UNC5D: variants seen among roughly 807,000 people sequenced by gnomAD.
The protein encoded by UNC5D is unc-5 netrin receptor D, also known as netrin receptor UNC5D.
A neutral mutation model predicts 105.4 loss-of-function variants in UNC5D; 39 were observed. The observed-to-expected ratio is 0.37, with a 90% CI of 0.29 to 0.48. The LOEUF is 0.48. UNC5D is among the 20% of genes least tolerant of loss of function. The pLI is 0.98. For missense variants in UNC5D, 991 were observed against 1,202.4 expected, an observed-to-expected ratio of 0.82 and a Z score of 2.60; for synonymous variants, 452 against 450.4, an observed-to-expected ratio of 1.00 and a Z score of -0.04.
intron 1 of UNC5D, among the ~76,000 whole-genome samples, chr8:35,373,084 CTT>C (rs1802514068): frequency 6.6e-6 from 1 of 152,146 alleles, no homozygotes; most frequent in Non-Finnish European, 1.5e-5. Context: ...CATTGGCTAA[CTT>C]TGATATCCTT....
chr8:35,389,612 C>T (rs1177252536), intron 1 of UNC5D, among the ~76,000 whole-genome samples: 2 of 152,096 alleles, frequency 1.3e-5, no homozygotes, highest in Middle Eastern at 3.4e-3. Context: ...ATAACTTGCC[C>T]TTTCATTCTT....
At chr8:35,698,515 T>C (rs1328287465) in intron 7 of UNC5D, among the ~76,000 whole-genome samples, 2 of 152,144 alleles carry the variant, frequency 1.3e-5, no homozygotes, top group African/African-American at 4.8e-5. Flanking sequence ...TCAAACAGTA[T>C]TTATTTTTCT....
chr8:35,794,886 T>G lies in UNC5D; in HGVS notation c.*4323T>G, dbSNP rs548488638. On this transcript the variant is annotated 3_prime_UTR_variant, in exon 17 of 17. Coordinates refer to ENST00000404895, the MANE Select transcript of UNC5D (RefSeq NM_080872.4). Reference sequence around the variant, plus strand: ...TTCGAAAAGTAACAGGGGATGGAAATCAGACCTGGCCGTTAGTCACTAGTG... The same window carrying G: ...TTCGAAAAGTAACAGGGGATGGAAAGCAGACCTGGCCGTTAGTCACTAGTG... 1 of 152,288 alleles carries G rather than the reference T, an allele frequency of 6.6e-6. No individual in the cohort carries two copies. Among genetic ancestry groups the G allele is most frequent in the South Asian group, 2.1e-4 (1 of 4,832 alleles). 9.4% of individuals were successfully genotyped at this position (152,288 alleles called of 1,614,324 possible). A position where few individuals can be genotyped will look rare whatever the true frequency, so the allele number is the denominator to read the frequency against.
chr8:35,690,222 A>T (rs1198843928), intron 7 of UNC5D, among the ~76,000 whole-genome samples: 3 of 152,202 alleles, frequency 2.0e-5, no homozygotes, highest in African/African-American at 7.2e-5. Flanking sequence ...CTATGAGATT[A>T]TTGATGTAAT....
chr8:35,513,088 G>A (rs1286058667), intron 1 of UNC5D, among the ~76,000 whole-genome samples: 1 of 151,914 alleles, frequency 6.6e-6, no homozygotes, highest in East Asian at 1.9e-4. Context: ...TGCTTTCTTT[G>A]GTTTTTCTAG....
rs1586280869 is a variant in UNC5D, at chr8:35,625,831, GT to G, written c.570+30176del. On this transcript the variant is annotated intron_variant, in intron 4 of 16. Coordinates refer to ENST00000404895, the MANE Select transcript of UNC5D (RefSeq NM_080872.4). ...TTTCATTGAAGACTTACTGGCTTCA[GT>G]TCTCAAGTCAGAGTGTGCAATGTAT... is the stretch of plus-strand genomic sequence containing the variant. Among the ~76,000 whole-genome samples, 3 of 152,278 alleles carry G rather than the reference GT, an allele frequency of 2.0e-5. No homozygotes were observed. In the East Asian group the frequency reaches 5.8e-4, roughly 29 times the overall value.
intron 1 of UNC5D, among the ~76,000 whole-genome samples, chr8:35,412,939 G>T (rs1364670749): frequency 2.0e-5 from 3 of 152,128 alleles, no homozygotes; most frequent in Non-Finnish European, 4.4e-5. Context: ...TAGGTCTACA[G>T]AGGGAGTGCT....
intron 1 of UNC5D, among the ~76,000 whole-genome samples, chr8:35,423,593 A>C (rs2128968174): frequency 6.6e-6 from 1 of 152,292 alleles, no homozygotes; most frequent in East Asian, 1.9e-4. Flanking sequence ...AAAATGGCAA[A>C]AACTTGAACT....
In UNC5D at chr8:35,440,520, G is replaced by A. The variant is rs750317961; in HGVS notation, c.104-108772G>A. ...GATAGTCCAGTGTCTGCTTCTGTTG[G>A]CATCTTCCTGATGAATATATTTGGT... On this transcript the variant is annotated intron_variant, in intron 1 of 16. Transcript: ENST00000404895. Among the ~76,000 whole-genome samples, 25 of 151,858 alleles carry A rather than the reference G, an allele frequency of 1.6e-4. 1 individual carries two copies. The highest frequency in any genetic ancestry group is 2.9e-4 in the Non-Finnish European group (20 of 67,920).
At chr8:35,458,261 A>C (rs1808635666) in intron 1 of UNC5D, among the ~76,000 whole-genome samples, 1 of 152,196 alleles carries the variant, frequency 6.6e-6, no homozygotes, top group Non-Finnish European at 1.5e-5. Context: ...AATGCCTCCC[A>C]GTACCTTTCC....
rs527313416 is a variant in UNC5D, at chr8:35,310,477, G to C, written c.103+74590G>C. Among the ~76,000 whole-genome samples the C allele has an allele frequency of 1.4e-4, 21 of 152,090 alleles. No individual in the cohort carries two copies. The East Asian group carries it at 2.1e-3, about 15-fold the overall frequency. ...TCTAATAAAAATTCAAAAATCTGCCGGGTGTGGTAACGCATCCCTGTAATC... is the reference window on the plus strand; with the variant it reads ...TCTAATAAAAATTCAAAAATCTGCCCGGTGTGGTAACGCATCCCTGTAATC... On this transcript the variant is annotated intron_variant, in intron 1 of 16. Transcript: ENST00000404895.
In UNC5D at chr8:35,728,095, A is replaced by AATAT. The variant is rs1554596595; in HGVS notation, c.1681+1579_1681+1582dup. ...CTAAAAAAAAAAAAAAAAAAAAAAA[A>AATAT]ATATATATATATATATGCCATAAAA... On this transcript the variant is annotated intron_variant, in intron 10 of 16. Coordinates refer to ENST00000404895, the MANE Select transcript of UNC5D (RefSeq NM_080872.4). Among the ~76,000 whole-genome samples, 239 of 110,274 alleles carry AATAT rather than the reference A, an allele frequency of 2.2e-3. 2 individuals are homozygous for AATAT. The highest frequency in any genetic ancestry group is 7.9e-3 in the East Asian group (29 of 3,660). The allele number at this position is 110,274 out of a possible 152,430, so 72.3% of individuals were successfully genotyped here.
At chr8:35,669,796 T>C (rs1265998782) in intron 4 of UNC5D, among the ~76,000 whole-genome samples, 2 of 152,132 alleles carry the variant, frequency 1.3e-5, no homozygotes, top group African/African-American at 4.8e-5. Flanking sequence ...AAGGAAATCA[T>C]CCGTCCCTTA....
chr8:35,412,256 C>T (rs1400653645), intron 1 of UNC5D, among the ~76,000 whole-genome samples: 1 of 151,996 alleles, frequency 6.6e-6, no homozygotes, highest in Non-Finnish European at 1.5e-5. Flanking sequence ...TAGGATTATA[C>T]TTAAATTGTC....
At chr8:35,659,177 A>T (rs899854723) in intron 4 of UNC5D, among the ~76,000 whole-genome samples, 1 of 152,174 alleles carries the variant, frequency 6.6e-6, no homozygotes, top group Non-Finnish European at 1.5e-5. Flanking sequence ...TGATTTATGA[A>T]TTGAGAGTAT....
intron 4 of UNC5D, among the ~76,000 whole-genome samples, chr8:35,606,154 A>T (rs1820278219): frequency 6.6e-6 from 1 of 151,650 alleles, no homozygotes; most frequent in African/African-American, 2.4e-5. Context: ...TGCCTGGCTA[A>T]TTTTTGTATT....
chr8:35,287,219 A>G (rs1422729167), intron 1 of UNC5D, among the ~76,000 whole-genome samples: 1 of 152,218 alleles, frequency 6.6e-6, no homozygotes, highest in East Asian at 1.9e-4. Flanking sequence ...ATAATGAAAA[A>G]TCAGGCAACA....
At chr8:35,280,734 A>T (rs923440733) in intron 1 of UNC5D, among the ~76,000 whole-genome samples, 9 of 152,062 alleles carry the variant, frequency 5.9e-5, no homozygotes, top group Admixed American at 4.6e-4. Context: ...TTTCATTTCT[A>T]TTGCCACCAG....
At chr8:35,295,266 G>A (rs1807395232) in intron 1 of UNC5D, among the ~76,000 whole-genome samples, 1 of 152,088 alleles carries the variant, frequency 6.6e-6, no homozygotes, top group Non-Finnish European at 1.5e-5. Context: ...AGATTTTATG[G>A]TAGTAATTGC....
Sources: gnomAD v4.1 joint callset for allele counts (sites outside exome capture counted in the v4.1 genomes callset) on GRCh38, gnomAD v4.1.1 for gene constraint, MANE v1.5 for transcripts, NCBI Gene and HGNC (gene_info 2026-07-23, HGNC 2026-07-21) for gene names.